The following CYSTM1 variants were observed in gnomAD, a reference collection of about 807,000 sequenced individuals.
The protein encoded by CYSTM1 is cysteine rich transmembrane module containing 1.
Under a neutral mutation model 13.1 loss-of-function variants are expected in CYSTM1, and 4 were observed. The ratio of observed to expected loss-of-function variants is 0.31; its 90% CI spans 0.15 to 0.70. The LOEUF (loss-of-function observed/expected upper bound fraction) is 0.70, where lower values mean the gene tolerates loss of function less well. Among genes scored for constraint, CYSTM1 ranks in the 30% least tolerant of loss-of-function variants. The pLI, the probability that CYSTM1 is intolerant of heterozygous loss-of-function variation, is 0.72. For synonymous variants in CYSTM1, 36 were observed against 42.7 expected (o/e 0.84, Z 0.62); for missense variants, 96 against 121.6 (o/e 0.79, Z 0.99).
intron 2 of CYSTM1, chr5:140,228,689 G>A: frequency 2.5e-6 from 1 of 398,832 alleles, no homozygotes; most frequent in Non-Finnish European, 4.4e-6. Flanking sequence ...CCTCTGACTG[G>A]GTCTCTCTCT....
At position 140,218,072 on chromosome 5, in the gene CYSTM1, C is replaced by T. The variant is rs56862093; in HGVS notation, c.187+23420C>T. ...TAGAAAGGTTCTTGGTGATAGCCCG[C>T]TCCAGCTAGCCGATATGGTCGGTGT... is the stretch of plus-strand genomic sequence containing the variant. On this transcript the variant is annotated intron_variant, in intron 2 of 2. Coordinates refer to ENST00000261811, the MANE Select transcript of CYSTM1 (RefSeq NM_032412.4). Among the ~76,000 whole-genome samples, 289 of 152,244 alleles carry T rather than the reference C, an allele frequency of 1.9e-3. 6 individuals are homozygous for T. In the East Asian group the frequency reaches 0.041, roughly 22 times the overall value.
intron 2 of CYSTM1, among the ~76,000 whole-genome samples, chr5:140,199,978 T>A (rs1764207300): frequency 6.6e-6 from 1 of 152,228 alleles, no homozygotes; most frequent in Non-Finnish European, 1.5e-5. Context: ...TGTTTTTTTC[T>A]CATAAATTTG....
At chr5:140,215,883 G>GT (rs1354962550) in intron 2 of CYSTM1, among the ~76,000 whole-genome samples, 3 of 152,194 alleles carry the variant, frequency 2.0e-5, no homozygotes, top group African/African-American at 4.8e-5. Context: ...ACTCACACCT[G>GT]TAATCCCAAC....
intron 2 of CYSTM1, among the ~76,000 whole-genome samples, chr5:140,215,035 G>T (rs773210843): frequency 1.3e-5 from 2 of 152,212 alleles, no homozygotes; most frequent in Non-Finnish European, 1.5e-5. Flanking sequence ...CACAGTGCCC[G>T]TAGGCACCTA....
In CYSTM1 at chr5:140,234,004, G is replaced by A. The variant is rs113134105; in HGVS notation, c.188-9301G>A. Among the ~76,000 whole-genome samples the A allele has an allele frequency of 5.8e-3, 884 of 152,176 alleles. 6 individuals carry two copies. The highest frequency in any genetic ancestry group is 9.6e-3 in the Non-Finnish European group (654 of 67,996). The stretch of plus-strand genomic sequence containing the variant: ...GTTTATCAATTTTTTATTTTATCAC[G>A]TTTTTGGTGTCAGTCTAAGGACTCT... On this transcript the variant is annotated intron_variant, in intron 2 of 2. Coordinates refer to ENST00000261811, the MANE Select transcript of CYSTM1 (RefSeq NM_032412.4).
chr5:140,218,505 A>G (rs28450136), intron 2 of CYSTM1, among the ~76,000 whole-genome samples: 35,137 of 152,122 alleles, frequency 0.23, 4,088 homozygotes, highest in African/African-American at 0.25. Flanking sequence ...GGGAATAGGT[A>G]CTAATCTCAT....
chr5:140,190,939 A>C (rs1338229819), intron 1 of CYSTM1, among the ~76,000 whole-genome samples: 1 of 152,252 alleles, frequency 6.6e-6, no homozygotes, highest in Non-Finnish European at 1.5e-5. Flanking sequence ...AAGGGAAAGC[A>C]GTCATGTTAC....
intron 2 of CYSTM1, among the ~76,000 whole-genome samples, chr5:140,238,269 G>A (rs944334018): frequency 2.0e-5 from 3 of 152,184 alleles, no homozygotes; most frequent in Non-Finnish European, 2.9e-5. Context: ...CCTGGGCCAA[G>A]GCTGTGCTGA....
chr5:140,200,645 C>T (rs1764215391), intron 2 of CYSTM1: 1 of 138,516 alleles, frequency 7.2e-6, no homozygotes, highest in South Asian at 2.5e-4. Flanking sequence ...ACTGCAAACT[C>T]TGCCTCCCGG....
At chr5:140,186,775 T>C (rs977206927) in intron 1 of CYSTM1, among the ~76,000 whole-genome samples, 39 of 152,086 alleles carry the variant, frequency 2.6e-4, no homozygotes, top group Non-Finnish European at 4.6e-4. Flanking sequence ...TAAACTAATA[T>C]GTCAATGCCA....
chr5:140,182,069 C>G (rs1425030827), intron 1 of CYSTM1, among the ~76,000 whole-genome samples: 1 of 152,076 alleles, frequency 6.6e-6, no homozygotes, highest in Non-Finnish European at 1.5e-5. Context: ...TAAAGTTGAC[C>G]CATTTTTTAA....
intron 2 of CYSTM1, among the ~76,000 whole-genome samples, chr5:140,220,946 G>A (rs908791377): frequency 1.1e-4 from 16 of 152,272 alleles, no homozygotes; most frequent in Admixed American, 2.0e-4. Context: ...AGCCACCAAC[G>A]TACAGAGTTT....
intron 2 of CYSTM1, chr5:140,229,020 C>T (rs1386547344): frequency 7.8e-6 from 3 of 386,264 alleles, no homozygotes; most frequent in African/African-American, 6.2e-5. Context: ...TTACTAGTGA[C>T]CTTGAACATA....
intron 2 of CYSTM1, among the ~76,000 whole-genome samples, chr5:140,198,270 C>T (rs1171752255): frequency 2.0e-5 from 3 of 152,010 alleles, no homozygotes; most frequent in Non-Finnish European, 4.4e-5. Context: ...ATATCACCCC[C>T]AACTCACTGG....
At chr5:140,226,513 TTAA>T (rs1291857627) in intron 2 of CYSTM1, among the ~76,000 whole-genome samples, 9 of 122,732 alleles carry the variant, frequency 7.3e-5, no homozygotes, top group Non-Finnish European at 1.1e-4. Flanking sequence ...TAAATATATA[TTAA>T]TAATATATAA....
intron 2 of CYSTM1, among the ~76,000 whole-genome samples, chr5:140,211,685 G>A (rs183838378): frequency 4.9e-4 from 74 of 152,192 alleles, no homozygotes; most frequent in Admixed American, 1.4e-3. Context: ...AGTGGCTCAC[G>A]CCTGTAATCC....
At chr5:140,201,820 G>A (rs1183144021) in intron 2 of CYSTM1, 1 of 151,894 alleles carries the variant, frequency 6.6e-6, no homozygotes, top group East Asian at 1.9e-4. Flanking sequence ...AGTAAAGAAA[G>A]CCTCCAAGAT....
At chr5:140,234,900 A>G (rs1764660401) in intron 2 of CYSTM1, among the ~76,000 whole-genome samples, 2 of 152,192 alleles carry the variant, frequency 1.3e-5, no homozygotes, top group South Asian at 2.1e-4. Context: ...GTCATGTACT[A>G]GGCATGATTA....
intron 2 of CYSTM1, among the ~76,000 whole-genome samples, chr5:140,217,108 G>A (rs1764438293): frequency 1.3e-5 from 2 of 151,806 alleles, no homozygotes; most frequent in South Asian, 2.1e-4. Flanking sequence ...TTTAAGTAGC[G>A]CCTTGGTTTC....
Sources: allele counts gnomAD v4.1 joint callset (sites outside exome capture counted in the v4.1 genomes callset), GRCh38; gene constraint gnomAD v4.1.1; transcripts MANE v1.5; gene names NCBI Gene and HGNC (gene_info 2026-07-23, HGNC 2026-07-21).